Variants in CACNA1I observed in about 807,000 individuals in gnomAD.
CACNA1I encodes the protein voltage-dependent T-type calcium channel subunit alpha-1I.
A neutral mutation model predicts 201.6 loss-of-function variants in CACNA1I; 74 were observed. That is an observed-to-expected ratio of 0.37 (90% CI 0.30 to 0.45). The LOEUF is 0.45. Ranked by LOEUF, CACNA1I falls within the 20% of genes least tolerant of loss-of-function variation. CACNA1I has a pLI of 1.00. For missense variants in CACNA1I, 2,346 were observed against 3,138.1 expected (o/e 0.75, Z 6.03); for synonymous variants, 1,431 against 1,345.2 (o/e 1.06, Z -1.40).
chr22:39,649,470 C>T lies in CACNA1I; in HGVS notation c.1568-31C>T, dbSNP rs763050065. On this transcript the variant is annotated intron_variant, in intron 9 of 36. Transcript: ENST00000402142. This position sits in a 1 kb window ranked among gnomAD's most constrained non-coding sequence, Gnocchi z 7.3. ...GGTGGATTGGGCCTGGTGTGGGCAACGACTCTATGCCCCTCTCATTTGCTT... is the reference window on the plus strand; with the variant it reads ...GGTGGATTGGGCCTGGTGTGGGCAATGACTCTATGCCCCTCTCATTTGCTT... The T allele has an allele frequency of 4.9e-5, 75 of 1,531,172 alleles. No homozygotes were observed. Among genetic ancestry groups the T allele is most frequent in the African/African-American group, 2.1e-4 (15 of 72,308 alleles). 94.8% of individuals were successfully genotyped at this position (1,531,172 alleles called of 1,614,324 possible).
chr22:39,665,867 C>T lies in CACNA1I; in HGVS notation c.3979-14C>T, dbSNP rs750427440. ...CTCACCTGTGAGAGCACCAACCTCA[C>T]CCCCTTTCCCCAGCTCTTCAAGGGC... On this transcript the variant is annotated splice_polypyrimidine_tract_variant and intron_variant, in intron 22 of 36. Coordinates refer to ENST00000402142, the MANE Select transcript of CACNA1I (RefSeq NM_021096.4). The surrounding 1 kb of genome is among the most constrained non-coding windows in gnomAD (Gnocchi z 5.5). 3.7e-6 allele frequency: 6 copies of T among 1,613,674 alleles called. No homozygotes were observed. The South Asian group carries it at 6.6e-5, about 18-fold the overall frequency.
At chr22:39,640,794 C>A in intron 5 of CACNA1I, 73 bp from the exon 6 acceptor site, 2 of 1,272,126 alleles carry the variant, frequency 1.6e-6, no homozygotes, top group Non-Finnish European at 2.2e-6. Flanking sequence ...TGCTGCATGG[C>A]CTCTCCCTTC....
intron 4 of CACNA1I, among the ~76,000 whole-genome samples, chr22:39,622,793 A>C: frequency 6.8e-6 from 1 of 146,712 alleles, no homozygotes; most frequent in Admixed American, 6.8e-5. Context: ...GGCGGGAGGG[A>C]CCTCAGCTCT....
At position 39,665,526 on chromosome 22, in the gene CACNA1I, C is replaced by T. The variant is rs1471160795; in HGVS notation, c.3880C>T (p.Leu1294=). 1 of 1,613,840 alleles carries T rather than the reference C, an allele frequency of 6.2e-7. No homozygotes were observed. The highest frequency in any genetic ancestry group is 1.1e-5 in the South Asian group (1 of 91,078). ...CATCAGCCGGGCGCCGGGCCTGAAG[C>T]TGGTGGTGGAGACACTCATCTCCTC... ...RVISRAPGLK[L]VVETLISSLK... Residue 1294 remains leucine (L), a synonymous_variant, in exon 22 of 37, where the codon CTG becomes TTG. Coordinates refer to ENST00000402142, the MANE Select transcript of CACNA1I (RefSeq NM_021096.4). The surrounding 1 kb of genome is among the most constrained non-coding windows in gnomAD (Gnocchi z 5.5).
At chr22:39,600,008 C>A (rs752547438) in intron 2 of CACNA1I, among the ~76,000 whole-genome samples, 8 of 152,216 alleles carry the variant, frequency 5.3e-5, no homozygotes, top group Admixed American at 1.3e-4. Flanking sequence ...TCCATGGGGG[C>A]TTTGGGGTGA....
intron 10 of CACNA1I, among the ~76,000 whole-genome samples, chr22:39,651,912 C>A (rs1934661045): frequency 6.6e-6 from 1 of 152,212 alleles, no homozygotes; most frequent in African/African-American, 2.4e-5. Flanking sequence ...CATGTCAACA[C>A]CACGGCCAGG....
chr22:39,580,621 G>A (rs1319713666), intron 1 of CACNA1I, among the ~76,000 whole-genome samples: 1 of 152,200 alleles, frequency 6.6e-6, no homozygotes, highest in African/African-American at 2.4e-5. Context: ...GGCACAGGGA[G>A]GGGTTTAGTG....
intron 23 of CACNA1I, among the ~76,000 whole-genome samples, chr22:39,667,545 A>G (rs544882191): frequency 6.6e-6 from 1 of 152,324 alleles, no homozygotes; most frequent in South Asian, 2.1e-4. Flanking sequence ...GCTGTGCTCA[A>G]GTTCAGTTCA....
intron 3 of CACNA1I, among the ~76,000 whole-genome samples, chr22:39,616,764 CAAAAAAAA>C (rs66551782): frequency 4.7e-4 from 51 of 107,378 alleles, no homozygotes; most frequent in African/African-American, 1.6e-3. Context: ...AACTCTGTCT[CAAAAAAAA>C]AAAAAAAAAA....
Position 39,661,990 on chromosome 22 carries a change from G to T in CACNA1I, c.2927G>T (p.Gly976Val). The change falls in exon 17 of 37, where the codon GGG (glycine) becomes GTG (valine). Residue 976 changes from glycine to valine, a missense_variant. By Grantham distance (109) the Gly-to-Val change is moderately radical (BLOSUM62 -3). This residue lies in a region of CACNA1I where 288 missense variants were observed against 255.2 expected (regional missense o/e 1.13). Coordinates refer to ENST00000402142, the MANE Select transcript of CACNA1I (RefSeq NM_021096.4). ...SLSSSRSSYY[G>V]PWGRSAAWAS... ...TCCAGCTCCCGGAGCTCCTACTACG[G>T]GCCATGGGGCCGCAGCGCGGCCTGG... The T allele has an allele frequency of 6.4e-7, 1 of 1,561,058 alleles. No individual in the cohort carries two copies.
rs868603766 is a variant in CACNA1I at position 39,679,200 on chromosome 22, G to A, written c.5149G>A (p.Ala1717Thr). ...PLYFVSFVLT[A>T]QFVLINVVVA... ...GTACTTCGTGAGCTTCGTGCTCACCGCGCAGTTCGTGCTCATCAACGTGGT... is the reference window on the plus strand; with the variant it reads ...GTACTTCGTGAGCTTCGTGCTCACCACGCAGTTCGTGCTCATCAACGTGGT... The change falls in exon 32 of 37, where the codon GCG becomes ACG. Residue 1717 changes from alanine to threonine, a missense_variant. Transcript: ENST00000402142. 21 of 1,591,780 alleles carry A rather than the reference G, an allele frequency of 1.3e-5. No individual in the cohort carries two copies. The highest frequency in any genetic ancestry group is 1.6e-4 in the Middle Eastern group (1 of 6,066).
intron 1 of CACNA1I, among the ~76,000 whole-genome samples, chr22:39,597,774 A>T (rs1932923594): frequency 6.6e-6 from 1 of 152,194 alleles, no homozygotes; most frequent in Non-Finnish European, 1.5e-5. Context: ...AAAGGTGGTC[A>T]GAGAAGGGAG....
At chr22:39,647,965 C>T (rs760159243) in intron 9 of CACNA1I, 39 bp downstream of exon 9, 3 of 1,544,426 alleles carry the variant, frequency 1.9e-6, no homozygotes, top group South Asian at 1.1e-5. Context: ...TGCCCCCAGC[C>T]CCAATACCAC....
Position 39,646,677 on chromosome 22 carries a change from C to G in CACNA1I, c.1258C>G (p.Leu420Val). ...GATGCTGGAGCAGCGGCAGCGCTACCTGTCCTCCAGCACGGTGGCCAGCTA... is the reference window on the plus strand; with the variant it reads ...GATGCTGGAGCAGCGGCAGCGCTACGTGTCCTCCAGCACGGTGGCCAGCTA... ...RLMLEQRQRYLSSSTVASYAE... is the reference protein window; with the variant it reads ...RLMLEQRQRYVSSSTVASYAE... Residue 420 changes from leucine to valine, a missense_variant, in exon 8 of 37, where the codon CTG becomes GTG. Coordinates refer to ENST00000402142, the MANE Select transcript of CACNA1I (RefSeq NM_021096.4). 1 of 1,585,086 alleles carries G rather than the reference C, an allele frequency of 6.3e-7. No homozygotes were observed.
At chr22:39,615,930 C>G (rs931590694) in intron 3 of CACNA1I, among the ~76,000 whole-genome samples, 2 of 152,098 alleles carry the variant, frequency 1.3e-5, no homozygotes, top group Non-Finnish European at 2.9e-5. Flanking sequence ...CCTTTTTTGA[C>G]TTGGTTGCCA....
intron 5 of CACNA1I, among the ~76,000 whole-genome samples, chr22:39,636,806 G>A (rs555586055): frequency 3.3e-5 from 5 of 152,338 alleles, no homozygotes; most frequent in African/African-American, 9.6e-5. Flanking sequence ...CTCCCCAGCC[G>A]GGCTGTTGCC....
intron 3 of CACNA1I, among the ~76,000 whole-genome samples, chr22:39,608,333 G>T (rs1933281754): frequency 6.6e-6 from 1 of 152,082 alleles, no homozygotes. Flanking sequence ...CAGTCCAGTG[G>T]TGTGTGTCAA....
At chr22:39,620,245 A>G (rs924797910) in intron 4 of CACNA1I, among the ~76,000 whole-genome samples, 17 of 85,200 alleles carry the variant, frequency 2.0e-4, no homozygotes, top group Admixed American at 4.7e-4. Context: ...CTGTCCATCC[A>G]TCCATCCATC....
intron 4 of CACNA1I, among the ~76,000 whole-genome samples, chr22:39,620,253 A>ACCTG (rs1432731875): frequency 7.4e-6 from 1 of 134,436 alleles, no homozygotes; most frequent in Non-Finnish European, 1.6e-5. Flanking sequence ...CCATCCATCC[A>ACCTG]TCCATCCATC....
Sources: gnomAD v4.1 joint callset for allele counts (sites outside exome capture counted in the v4.1 genomes callset) on GRCh38, gnomAD v4.1.1 for gene constraint, gnomAD v4.1.1 regional missense constraint, Gnocchi (gnomAD v3.1) non-coding constraint, MANE v1.5 for transcripts, NCBI Gene and HGNC (gene_info 2026-07-23, HGNC 2026-07-21) for gene names.